Variants in PTPRD observed in about 807,000 individuals in gnomAD.
The protein encoded by PTPRD is protein tyrosine phosphatase receptor type D.
Under a neutral mutation model 214.5 loss-of-function variants are expected in PTPRD, and 34 were observed. That is an observed-to-expected ratio of 0.16 (90% CI 0.12 to 0.21). The LOEUF (loss-of-function observed/expected upper bound fraction) is 0.21, where lower values mean the gene tolerates loss of function less well. Among genes scored for constraint, PTPRD ranks in the 10% least tolerant of loss-of-function variants. The probability of loss-of-function intolerance (pLI) is 1.00; values close to 1 mark genes in which losing one functional copy is unlikely to be tolerated. For synonymous variants in PTPRD, 1,128 were observed against 845.7 expected (o/e 1.33, Z -5.79); for missense variants, 2,545 against 2,398.7 (o/e 1.06, Z -1.27).
At chr9:10,029,446 C>T (rs995770696) in intron 4 of PTPRD, among the ~76,000 whole-genome samples, 1 of 152,154 alleles carries the variant, frequency 6.6e-6, no homozygotes, top group African/African-American at 2.4e-5. Context: ...GGGAGGGAGG[C>T]TATACCCTGC....
At chr9:9,522,388 A>T (rs944654360) in intron 8 of PTPRD, among the ~76,000 whole-genome samples, 1 of 152,140 alleles carries the variant, frequency 6.6e-6, no homozygotes, top group Non-Finnish European at 1.5e-5. Flanking sequence ...TTCTAAAGGG[A>T]ACTATCTGGA....
At chr9:8,551,613 C>T (rs939914284) in intron 14 of PTPRD, among the ~76,000 whole-genome samples, 2 of 152,156 alleles carry the variant, frequency 1.3e-5, no homozygotes, top group Non-Finnish European at 2.9e-5. Flanking sequence ...CAGATTACAA[C>T]CTGTGTGGGA....
intron 3 of PTPRD, among the ~76,000 whole-genome samples, chr9:10,329,271 C>T (rs1170499138): frequency 3.3e-5 from 5 of 151,046 alleles, no homozygotes; most frequent in Non-Finnish European, 7.4e-5. Context: ...CCTGTGTTAC[C>T]TTTTGTTTTA....
chr9:8,347,796 G>A (rs773472057), intron 39 of PTPRD, among the ~76,000 whole-genome samples: 10 of 152,138 alleles, frequency 6.6e-5, no homozygotes, highest in East Asian at 1.9e-4. Flanking sequence ...AGGAAAGGCC[G>A]TGTGACGGCA....
intron 8 of PTPRD, among the ~76,000 whole-genome samples, chr9:9,424,319 A>C (rs1236510058): frequency 1.3e-5 from 2 of 152,198 alleles, no homozygotes; most frequent in African/African-American, 4.8e-5. Flanking sequence ...AAACTAAGAC[A>C]GTTGGTGCTG....
chr9:8,765,365 T>C (rs1373948246), intron 11 of PTPRD, among the ~76,000 whole-genome samples: 2 of 152,172 alleles, frequency 1.3e-5, no homozygotes, highest in East Asian at 1.9e-4. Context: ...ATGACTTCCC[T>C]CTTGGGTGCA....
intron 2 of PTPRD, among the ~76,000 whole-genome samples, chr9:10,422,672 G>C (rs971108755): frequency 5.3e-5 from 8 of 152,062 alleles, no homozygotes; most frequent in African/African-American, 1.9e-4. Flanking sequence ...CTGAAAAGAA[G>C]ACATTTATGC....
chr9:10,040,232 A>C (rs533977154), intron 3 of PTPRD, among the ~76,000 whole-genome samples: 1 of 152,182 alleles, frequency 6.6e-6, no homozygotes, highest in African/African-American at 2.4e-5. Flanking sequence ...AGAACCCAAA[A>C]GTCTTCCCAT....
chr9:10,448,782 C>G (rs12340478), intron 2 of PTPRD, among the ~76,000 whole-genome samples: 2,353 of 152,050 alleles, frequency 0.015, 32 homozygotes, highest in South Asian at 0.03. Context: ...CTCTGTCCAA[C>G]GCATCAAATC....
chr9:10,308,971 C>CA (rs1255542394), intron 3 of PTPRD, among the ~76,000 whole-genome samples: 2 of 151,926 alleles, frequency 1.3e-5, no homozygotes, highest in African/African-American at 4.8e-5. Context: ...TATTATGGGG[C>CA]AAAATCCTAA....
At chr9:10,187,819 G>T (rs1354888423) in intron 3 of PTPRD, among the ~76,000 whole-genome samples, 1 of 152,144 alleles carries the variant, frequency 6.6e-6, no homozygotes, top group South Asian at 2.1e-4. Flanking sequence ...TGTGGCAAAG[G>T]TCCCCCACCT....
intron 4 of PTPRD, among the ~76,000 whole-genome samples, chr9:9,980,440 T>C (rs899072134): frequency 6.6e-6 from 1 of 151,208 alleles, no homozygotes; most frequent in Non-Finnish European, 1.5e-5. Flanking sequence ...AAACTCCGTC[T>C]CTACTAAAAA....
intron 9 of PTPRD, among the ~76,000 whole-genome samples, chr9:9,326,656 T>A (rs150796204): frequency 7.2e-5 from 11 of 151,762 alleles, no homozygotes; most frequent in African/African-American, 2.2e-4. Flanking sequence ...TTTTTTTTTT[T>A]AAATGAGCAA....
In PTPRD at chr9:10,206,672, C is replaced by G. The variant is rs530147219; in HGVS notation, c.-545+134291G>C. Among the ~76,000 whole-genome samples, 3 of 152,056 alleles carry G rather than the reference C, an allele frequency of 2.0e-5. No individual in the cohort carries two copies. In the South Asian group the frequency reaches 6.2e-4, roughly 32 times the overall value. On this transcript the variant is annotated intron_variant, in intron 3 of 45. Coordinates refer to ENST00000381196, the MANE Select transcript of PTPRD (RefSeq NM_002839.4). ...AGTTTTGTAAAGCAAAGATAATAAC[C>G]TCGGTTTTAAATATAGTTTGAATTA...
At chr9:9,333,663 G>T (rs1415827270) in intron 9 of PTPRD, among the ~76,000 whole-genome samples, 2 of 151,442 alleles carry the variant, frequency 1.3e-5, no homozygotes, top group African/African-American at 4.8e-5. Flanking sequence ...AACATACCAT[G>T]TAATCTTGAA....
At chr9:9,428,266 T>C (rs1008466453) in intron 8 of PTPRD, among the ~76,000 whole-genome samples, 2 of 152,008 alleles carry the variant, frequency 1.3e-5, no homozygotes, top group African/African-American at 2.4e-5. Context: ...GCAATCCTAA[T>C]CTCTGATAAA....
intron 36 of PTPRD, among the ~76,000 whole-genome samples, chr9:8,395,432 A>G (rs1396474139): frequency 1.3e-5 from 2 of 151,934 alleles, no homozygotes; most frequent in Non-Finnish European, 2.9e-5. Context: ...ATTAAATTCT[A>G]AAGGACACAG....
intron 11 of PTPRD, among the ~76,000 whole-genome samples, chr9:8,745,847 G>C (rs1163423259): frequency 6.6e-6 from 1 of 151,808 alleles, no homozygotes; most frequent in East Asian, 1.9e-4. Context: ...GCCCAGGCTG[G>C]AGTGCAGTGG....
intron 7 of PTPRD, among the ~76,000 whole-genome samples, chr9:9,683,516 A>C (rs978039279): frequency 2.0e-5 from 3 of 151,730 alleles, no homozygotes; most frequent in Admixed American, 2.0e-4. Flanking sequence ...CCTTCCTATA[A>C]AAACAATTCA....
Sources: allele counts gnomAD v4.1 joint callset (sites outside exome capture counted in the v4.1 genomes callset), GRCh38; gene constraint gnomAD v4.1.1; transcripts MANE v1.5; gene names NCBI Gene and HGNC (gene_info 2026-07-23, HGNC 2026-07-21).